The following UGT1A10 variants were observed in gnomAD, a reference collection of about 807,000 sequenced individuals.
The protein encoded by UGT1A10 is UDP-glucuronosyltransferase 1A10.
In UGT1A10, 49 loss-of-function variants were observed where a neutral mutation model predicts 45.8. The observed-to-expected ratio is 1.07, with a 90% CI of 0.85 to 1.36. The LOEUF is 1.36. UGT1A10 is among the 40% of genes most tolerant of loss of function. The probability of loss-of-function intolerance (pLI) is 0.00; values close to 1 mark genes in which losing one functional copy is unlikely to be tolerated. For synonymous variants in UGT1A10, 284 were observed against 249.7 expected (o/e 1.14, Z -1.29); for missense variants, 745 against 668.6 (o/e 1.11, Z -1.26).
intron 1 of UGT1A10, among the ~76,000 whole-genome samples, chr2:233,757,104 A>T (rs1373220200): frequency 1.3e-5 from 2 of 151,154 alleles, no homozygotes; most frequent in African/African-American, 2.4e-5. Flanking sequence ...GGGAGGGGGC[A>T]AGCAGAAGGG....
At chr2:233,730,488 G>C (rs181516968) in intron 1 of UGT1A10, among the ~76,000 whole-genome samples, 1 of 152,300 alleles carries the variant, frequency 6.6e-6, no homozygotes, top group East Asian at 1.9e-4. Flanking sequence ...ACATGAAATA[G>C]AAGTGTCAGA....
chr2:233,646,107 G>C (rs1254383304), intron 1 of UGT1A10, among the ~76,000 whole-genome samples: 3 of 152,156 alleles, frequency 2.0e-5, no homozygotes, highest in African/African-American at 4.8e-5. Flanking sequence ...AGCTGCCAAG[G>C]CTCGGCACTT....
rs532660165 is a variant in UGT1A10 at position 233,656,818 on chromosome 2, G to A, written c.855+19441G>A. On this transcript the variant is annotated intron_variant, in intron 1 of 4. Transcript: ENST00000344644. ...GATTCACTTGTTGTGGGAGACGGGCGGCACTTAGTATTTTCTTTTCAGTTT... is the reference window on the plus strand; with the variant it reads ...GATTCACTTGTTGTGGGAGACGGGCAGCACTTAGTATTTTCTTTTCAGTTT... Among the ~76,000 whole-genome samples the A allele has an allele frequency of 7.2e-5, 11 of 152,222 alleles. 1 individual carries two copies. The highest frequency in any genetic ancestry group is 2.1e-4 in the South Asian group (1 of 4,822).
At chr2:233,712,639 C>T (rs184142486) in intron 1 of UGT1A10, among the ~76,000 whole-genome samples, 30 of 152,228 alleles carry the variant, frequency 2.0e-4, no homozygotes, top group Non-Finnish European at 2.4e-4. Flanking sequence ...TCAGCTGCAG[C>T]CTGATAAACG....
intron 1 of UGT1A10, among the ~76,000 whole-genome samples, chr2:233,695,066 C>T (rs575360718): frequency 6.6e-6 from 1 of 152,092 alleles, no homozygotes; most frequent in African/African-American, 2.4e-5. Flanking sequence ...TGTGCTATCG[C>T]ACTTTGGACT....
chr2:233,665,876 G>A (rs1454113893), intron 1 of UGT1A10, among the ~76,000 whole-genome samples: 3 of 152,096 alleles, frequency 2.0e-5, no homozygotes, highest in African/African-American at 4.8e-5. Flanking sequence ...ATTTACAAGC[G>A]GCCAGACCAA....
chr2:233,638,012 G>A (rs2073346906), intron 1 of UGT1A10, among the ~76,000 whole-genome samples: 1 of 152,022 alleles, frequency 6.6e-6, no homozygotes, highest in African/African-American at 2.4e-5. Context: ...TTGTGAATAA[G>A]GCTGTGTAAA....
Position 233,767,016 on chromosome 2 carries a change from T to A in UGT1A10, c.856-18T>A, listed in dbSNP as rs182710200. ...AATATGAGAAAAAATTAACTGAAAATTTTTCTTCTGGCTCTAGGAATTTGA... is the reference window on the plus strand; with the variant it reads ...AATATGAGAAAAAATTAACTGAAAAATTTTCTTCTGGCTCTAGGAATTTGA... On this transcript the variant is annotated intron_variant, in intron 1 of 4. Transcript: ENST00000344644. 2.5e-5 allele frequency: 40 copies of A among 1,613,838 alleles called. No individual in the cohort carries two copies. The Middle Eastern group carries it at 6.6e-4, about 27-fold the overall frequency.
At chr2:233,672,257 T>A (rs1309942480) in intron 1 of UGT1A10, 7 of 1,614,062 alleles carry the variant, frequency 4.3e-6, no homozygotes, top group East Asian at 4.5e-5. Flanking sequence ...ATATATTCTC[T>A]ATTAATGGGT....
In UGT1A10 at chr2:233,760,202, A is replaced by ACAT. The variant is rs1697345011; in HGVS notation, c.856-6831_856-6829dup. ...TTTTATAGTCACGTGACACAGTCAA[A>ACAT]CATTAACTTGGTGTATCGATTGGTT... is the stretch of plus-strand genomic sequence containing the variant. On this transcript the variant is annotated intron_variant, in intron 1 of 4. Transcript: ENST00000344644. The ACAT allele has an allele frequency of 2.7e-5, 43 of 1,583,728 alleles. No homozygotes were observed. In the South Asian group the frequency reaches 4.6e-4, roughly 17 times the overall value.
rs2074970437 is a variant in UGT1A10 at position 233,689,999 on chromosome 2, C to T, written c.855+52622C>T. On this transcript the variant is annotated intron_variant, in intron 1 of 4. Transcript: ENST00000344644. The stretch of plus-strand genomic sequence containing the variant: ...AGGCCCCTAAAAGGGATTCTCACTT[C>T]ATCTCACCATTTTGGACCTTCCTCA... The T allele has an allele frequency of 6.7e-6, 3 of 449,912 alleles. No homozygotes were observed. The East Asian group carries it at 2.1e-4, about 31-fold the overall frequency. The allele number at this position is 449,912 out of a possible 1,614,324, so 27.9% of individuals were successfully genotyped here.
chr2:233,708,408 G>A (rs1167120338), intron 1 of UGT1A10: 1 of 152,066 alleles, frequency 6.6e-6, no homozygotes, highest in African/African-American at 2.4e-5. Context: ...TCATCAAGTT[G>A]TTTCACCAGT....
chr2:233,757,314 T>A (rs1406248640), intron 1 of UGT1A10, among the ~76,000 whole-genome samples: 1 of 20,476 alleles, frequency 4.9e-5, no homozygotes, highest in Non-Finnish European at 9.0e-5. Flanking sequence ...ACAGGGGGGC[T>A]GGGGCCCTGA....
At position 233,636,606 on chromosome 2, in the gene UGT1A10, G is replaced by A. The variant is rs1338754754; in HGVS notation, c.84G>A (p.Leu28=). The A allele has an allele frequency of 3.7e-6, 6 of 1,614,162 alleles. No individual in the cohort carries two copies. Among genetic ancestry groups the A allele is most frequent in the South Asian group, 1.1e-5 (1 of 91,074 alleles). ...LTCGFAEAGK[L]LVVPMDGSHW... ...GTGGCTTTGCCGAGGCAGGGAAGCT[G>A]CTGGTAGTGCCCATGGATGGGAGTC... Residue 28 remains leucine, a synonymous_variant, in exon 1 of 5, where the codon CTG becomes CTA. Coordinates refer to ENST00000344644, the MANE Select transcript of UGT1A10 (RefSeq NM_019075.4).
At chr2:233,695,228 C>T (rs530081428) in intron 1 of UGT1A10, among the ~76,000 whole-genome samples, 6 of 151,278 alleles carry the variant, frequency 4.0e-5, no homozygotes, top group Admixed American at 2.0e-4. Flanking sequence ...TGGGTTCAAG[C>T]GATTCTCCTG....
chr2:233,660,240 G>A (rs190548165), intron 1 of UGT1A10, among the ~76,000 whole-genome samples: 2 of 152,172 alleles, frequency 1.3e-5, no homozygotes, highest in South Asian at 2.1e-4. Context: ...TGTTCGCCCC[G>A]CTGACATTCT....
At chr2:233,677,560 C>A (rs139096739) in intron 1 of UGT1A10, among the ~76,000 whole-genome samples, 1 of 151,944 alleles carries the variant, frequency 6.6e-6, no homozygotes, top group Non-Finnish European at 1.5e-5. Flanking sequence ...TATTAAAAAA[C>A]GTAACATATG....
At chr2:233,748,883 A>T (rs1047977403) in intron 1 of UGT1A10, among the ~76,000 whole-genome samples, 3 of 151,568 alleles carry the variant, frequency 2.0e-5, no homozygotes, top group African/African-American at 7.3e-5. Context: ...TGATGAATGG[A>T]CATGTGTCCA....
chr2:233,757,535 A>AATATATAT lies in UGT1A10; in HGVS notation c.856-9480_856-9473dup, dbSNP rs67292694. On this transcript the variant is annotated intron_variant, in intron 1 of 4. Transcript: ENST00000344644. ...CAAAGCCAAAATCTTGCCTGTAAGG[A>AATATATAT]ATATATATATATATATATATATATA... Among the ~76,000 whole-genome samples the AATATATAT allele has an allele frequency of 9.1e-3, 800 of 88,270 alleles. 30 individuals are homozygous for AATATATAT. Among genetic ancestry groups the AATATATAT allele is most frequent in the African/African-American group, 0.032 (642 of 19,900 alleles). The allele number at this position is 88,270 out of a possible 152,430, so 57.9% of individuals were successfully genotyped here.
Sources: gnomAD v4.1 joint callset for allele counts (sites outside exome capture counted in the v4.1 genomes callset) on GRCh38, gnomAD v4.1.1 for gene constraint, MANE v1.5 for transcripts, NCBI Gene and HGNC (gene_info 2026-07-23, HGNC 2026-07-21) for gene names.